CLNK: variants seen among roughly 807,000 people sequenced by gnomAD.
The protein encoded by CLNK is cytokine-dependent hematopoietic cell linker.
CLNK carries 74 observed loss-of-function variants against 68.6 expected under a neutral mutation model. The observed-to-expected ratio is 1.08, with a 90% CI of 0.89 to 1.31. The LOEUF is 1.31. Ranked by LOEUF, CLNK falls within the 50% of genes most tolerant of loss-of-function variation. The pLI, the probability that CLNK is intolerant of heterozygous loss-of-function variation, is 0.00. For synonymous variants in CLNK, 198 were observed against 172.2 expected (o/e 1.15, Z -1.17); for missense variants, 553 against 515.3 (o/e 1.07, Z -0.71).
intron 2 of CLNK, among the ~76,000 whole-genome samples, chr4:10,622,194 T>A: frequency 6.6e-6 from 1 of 152,236 alleles, no homozygotes. Flanking sequence ...ATATAGATTG[T>A]TAGGGGCATA....
At chr4:10,610,899 A>C (rs1161404359) in intron 2 of CLNK, among the ~76,000 whole-genome samples, 2 of 152,098 alleles carry the variant, frequency 1.3e-5, no homozygotes, top group Non-Finnish European at 1.5e-5. Flanking sequence ...AAAAGACATA[A>C]TGAGCTGGCC....
intron 8 of CLNK, among the ~76,000 whole-genome samples, chr4:10,547,301 C>A (rs1698643598): frequency 6.6e-6 from 1 of 152,074 alleles, no homozygotes; most frequent in South Asian, 2.1e-4. Context: ...CTTTTTTAAA[C>A]CACCTCATTA....
chr4:10,594,660 C>G (rs1053127914), intron 3 of CLNK, among the ~76,000 whole-genome samples: 1 of 152,162 alleles, frequency 6.6e-6, no homozygotes, highest in Non-Finnish European at 1.5e-5. Context: ...GCTCCTTCCT[C>G]ATGGTGGGGA....
chr4:10,589,666 A>G (rs984606153), intron 3 of CLNK, among the ~76,000 whole-genome samples: 1 of 152,204 alleles, frequency 6.6e-6, no homozygotes, highest in African/African-American at 2.4e-5. Context: ...GGAGGGGATC[A>G]GGAGAGGTGG....
In CLNK at chr4:10,500,577, G is replaced by T. The variant is rs540853500; in HGVS notation, c.1140+679C>A. ...TGCCTGTAATTCCCGCTACTCAGGA[G>T]GCTGAGGCAGGAGAATCACTTGAAC... On this transcript the variant is annotated intron_variant, in intron 18 of 18. Coordinates refer to ENST00000226951, the MANE Select transcript of CLNK (RefSeq NM_052964.4). Among the ~76,000 whole-genome samples, 3 of 152,130 alleles carry T rather than the reference G, an allele frequency of 2.0e-5. No homozygotes were observed. In the East Asian group the frequency reaches 5.8e-4, roughly 29 times the overall value.
chr4:10,545,643 G>T (rs1719197296), intron 8 of CLNK, among the ~76,000 whole-genome samples: 1 of 152,116 alleles, frequency 6.6e-6, no homozygotes, highest in South Asian at 2.1e-4. Context: ...TTGCCCTGGT[G>T]GGGACTCCAT....
intron 1 of CLNK, among the ~76,000 whole-genome samples, chr4:10,680,144 G>T (rs1278731622): frequency 1.3e-5 from 2 of 152,022 alleles, no homozygotes; most frequent in East Asian, 1.9e-4. Context: ...TAGACTGGAT[G>T]AAGAAAATGT....
intron 3 of CLNK, 30 bp downstream of exon 3, chr4:10,597,948 C>A (rs1721446445): frequency 6.9e-7 from 1 of 1,451,500 alleles, no homozygotes; most frequent in East Asian, 2.4e-5. Flanking sequence ...ATTTTCACTC[C>A]TCTATTAATA....
chr4:10,711,987 A>G, the CLNK span, among the ~76,000 whole-genome samples: 1 of 152,204 alleles, frequency 6.6e-6, no homozygotes, highest in Non-Finnish European at 1.5e-5. Context: ...GACAATGGAT[A>G]TCGCGTTTCA....
Position 10,669,777 on chromosome 4 carries a change from C to T in CLNK, c.-42-1866G>A, listed in dbSNP as rs548578187. ...ACCAGCCTCATCCCCTCGTCTTATG[C>T]TTGTAGGTCAATATTGACAGCAGGG... is the stretch of plus-strand genomic sequence containing the variant. On this transcript the variant is annotated intron_variant, in intron 1 of 18. Coordinates refer to ENST00000226951, the MANE Select transcript of CLNK (RefSeq NM_052964.4). Among the ~76,000 whole-genome samples the T allele has an allele frequency of 3.3e-5, 5 of 152,292 alleles. No individual in the cohort carries two copies. The South Asian group carries it at 1.0e-3, about 32-fold the overall frequency.
chr4:10,513,101 T>C (rs1383371250), intron 16 of CLNK, among the ~76,000 whole-genome samples: 3 of 152,118 alleles, frequency 2.0e-5, no homozygotes, highest in African/African-American at 4.8e-5. Flanking sequence ...CATGGATCTT[T>C]TGCTGGAAAA....
chr4:10,571,538 G>T (rs964631040), intron 5 of CLNK, among the ~76,000 whole-genome samples: 1 of 151,962 alleles, frequency 6.6e-6, no homozygotes, highest in Non-Finnish European at 1.5e-5. Flanking sequence ...GTTTCCTCAT[G>T]TTAGCCAGGT....
intron 17 of CLNK, among the ~76,000 whole-genome samples, chr4:10,506,284 A>G (rs984072828): frequency 6.6e-6 from 1 of 152,160 alleles, no homozygotes; most frequent in African/African-American, 2.4e-5. Flanking sequence ...CTTTGGTTAA[A>G]GATGTGAAAG....
intron 18 of CLNK, among the ~76,000 whole-genome samples, chr4:10,495,771 G>A (rs1018994794): frequency 6.6e-6 from 1 of 151,808 alleles, no homozygotes; most frequent in African/African-American, 2.4e-5. Context: ...TGAGAGAAGA[G>A]GAGAAGGTCA....
At chr4:10,490,813 G>A (rs1716538050) in intron 18 of CLNK, among the ~76,000 whole-genome samples, 200 bp from the exon 19 acceptor site, 1 of 152,180 alleles carries the variant, frequency 6.6e-6, no homozygotes, top group South Asian at 2.1e-4. Flanking sequence ...CACCCAGGCT[G>A]GAATGCAGTG....
intron 2 of CLNK, among the ~76,000 whole-genome samples, chr4:10,604,771 TG>T (rs1336613853): frequency 6.6e-6 from 1 of 152,202 alleles, no homozygotes; most frequent in East Asian, 1.9e-4. Flanking sequence ...AGCAATGAGA[TG>T]TTTTAATCAC....
intron 1 of CLNK, among the ~76,000 whole-genome samples, chr4:10,683,841 T>C (rs866452483): frequency 6.6e-6 from 1 of 152,130 alleles, no homozygotes; most frequent in Admixed American, 6.6e-5. Flanking sequence ...ATTGAGGAGC[T>C]GCGCCACAGT....
chr4:10,682,516 G>C (rs373053183), intron 1 of CLNK, among the ~76,000 whole-genome samples: 2 of 152,162 alleles, frequency 1.3e-5, no homozygotes, highest in African/African-American at 2.4e-5. Flanking sequence ...CAGACACTGT[G>C]TGCACATTTG....
chr4:10,581,981 A>G (rs1286363658), intron 4 of CLNK, among the ~76,000 whole-genome samples: 1 of 152,176 alleles, frequency 6.6e-6, no homozygotes, highest in African/African-American at 2.4e-5. Context: ...TGGCCTTACC[A>G]TATGCCTGCC....
Sources: gnomAD v4.1 joint callset for allele counts (sites outside exome capture counted in the v4.1 genomes callset) on GRCh38, gnomAD v4.1.1 for gene constraint, MANE v1.5 for transcripts, NCBI Gene and HGNC (gene_info 2026-07-23, HGNC 2026-07-21) for gene names.